MSRA: variants seen among roughly 807,000 people sequenced by gnomAD.
MSRA encodes the protein methionine sulfoxide reductase A, also known as mitochondrial peptide methionine sulfoxide reductase.
MSRA carries 54 observed loss-of-function variants against 31.3 expected under a neutral mutation model. That is an observed-to-expected ratio of 1.73 (90% CI 1.39 to 2.17). The LOEUF (loss-of-function observed/expected upper bound fraction) is 2.17, where lower values mean the gene tolerates loss of function less well. Ranked by LOEUF, MSRA falls within the 30% of genes most tolerant of loss-of-function variation. The pLI is 0.00. For missense variants in MSRA, 507 were observed against 300.9 expected, an observed-to-expected ratio of 1.69 and a Z score of -5.07; for synonymous variants, 169 against 116.5, an observed-to-expected ratio of 1.45 and a Z score of -2.90.
At chr8:10,294,756 C>G (rs1295449709) in intron 3 of MSRA, among the ~76,000 whole-genome samples, 1 of 152,118 alleles carries the variant, frequency 6.6e-6, no homozygotes, top group Non-Finnish European at 1.5e-5. Context: ...TGGAGGGGCA[C>G]CCACTCAGCT....
intron 5 of MSRA, among the ~76,000 whole-genome samples, chr8:10,383,776 T>A (rs1806218600): frequency 6.6e-6 from 1 of 152,214 alleles, no homozygotes; most frequent in South Asian, 2.1e-4. Context: ...TTTGAGCACA[T>A]GGCCTTTGTG....
intron 1 of MSRA, among the ~76,000 whole-genome samples, chr8:10,169,941 G>A (rs1461721420): frequency 1.5e-5 from 2 of 137,014 alleles, no homozygotes; most frequent in Non-Finnish European, 3.0e-5. Flanking sequence ...TTGAGACGGA[G>A]TTTCACTCTT....
intron 3 of MSRA, among the ~76,000 whole-genome samples, chr8:10,285,612 T>C (rs2129111079): frequency 6.6e-6 from 1 of 152,124 alleles, no homozygotes; most frequent in Non-Finnish European, 1.5e-5. Flanking sequence ...TCAATGTATT[T>C]TGTACCTGTT....
At chr8:10,073,926 G>T (rs1442585409) in intron 1 of MSRA, among the ~76,000 whole-genome samples, 2 of 151,762 alleles carry the variant, frequency 1.3e-5, no homozygotes, top group Non-Finnish European at 2.9e-5. Context: ...TTGTATTGCT[G>T]TGTTTCCTTA....
chr8:10,125,895 A>G (rs1368529538), intron 1 of MSRA, among the ~76,000 whole-genome samples: 1 of 152,060 alleles, frequency 6.6e-6, no homozygotes, highest in Non-Finnish European at 1.5e-5. Context: ...CCTTTTGGCC[A>G]TTTTACACTA....
intron 1 of MSRA, among the ~76,000 whole-genome samples, chr8:10,141,872 G>A (rs185834159): frequency 6.6e-6 from 1 of 152,186 alleles, no homozygotes; most frequent in East Asian, 1.9e-4. Context: ...TGCCTAGCTG[G>A]TAGTAGGCAC....
intron 1 of MSRA, among the ~76,000 whole-genome samples, chr8:10,197,571 C>G (rs924833414): frequency 2.0e-5 from 3 of 152,118 alleles, no homozygotes; most frequent in African/African-American, 7.2e-5. Context: ...AAGCACTGTG[C>G]AAATACCAGT....
At chr8:10,289,141 G>A (rs573350622) in intron 3 of MSRA, among the ~76,000 whole-genome samples, 1 of 151,936 alleles carries the variant, frequency 6.6e-6, no homozygotes, top group Non-Finnish European at 1.5e-5. Context: ...TCAGTCTCTG[G>A]AGTAGCTGGG....
intron 3 of MSRA, among the ~76,000 whole-genome samples, chr8:10,283,482 T>C (rs1799743945): frequency 6.6e-6 from 1 of 151,970 alleles, no homozygotes; most frequent in Non-Finnish European, 1.5e-5. Flanking sequence ...CAGGTGGTAT[T>C]TGGTTACATG....
chr8:10,271,142 TAAAC>T (rs1169151472), intron 3 of MSRA, among the ~76,000 whole-genome samples: 20 of 151,710 alleles, frequency 1.3e-4, no homozygotes, highest in African/African-American at 4.6e-4. Context: ...CAGTAAGAAG[TAAAC>T]AAACAGCTTT....
At chr8:10,261,596 G>T (rs542315108) in intron 3 of MSRA, among the ~76,000 whole-genome samples, 12 of 152,196 alleles carry the variant, frequency 7.9e-5, no homozygotes, top group African/African-American at 2.7e-4. Flanking sequence ...GAAAAAGTAA[G>T]CAGGAAGTAC....
At chr8:10,409,376 A>ATC in intron 5 of MSRA, among the ~76,000 whole-genome samples, 1 of 152,228 alleles carries the variant, frequency 6.6e-6, no homozygotes, top group Non-Finnish European at 1.5e-5. Context: ...AATGAAGTTC[A>ATC]TCTCTCCCCT....
At chr8:10,327,946 C>CA (rs965943862) in intron 5 of MSRA, among the ~76,000 whole-genome samples, 1 of 148,962 alleles carries the variant, frequency 6.7e-6, no homozygotes, top group African/African-American at 2.5e-5. Flanking sequence ...ACAACAACAA[C>CA]AAAAAAACCT....
At chr8:10,240,241 G>A (rs978285242) in intron 2 of MSRA, among the ~76,000 whole-genome samples, 7 of 152,196 alleles carry the variant, frequency 4.6e-5, no homozygotes, top group Non-Finnish European at 1.0e-4. Flanking sequence ...CTCAAGGAGT[G>A]GTGCTGTGTG....
intron 5 of MSRA, among the ~76,000 whole-genome samples, chr8:10,376,460 T>C (rs1805761933): frequency 1.3e-5 from 2 of 152,188 alleles, no homozygotes; most frequent in Non-Finnish European, 2.9e-5. Flanking sequence ...TGGGCTTGGA[T>C]CTTGGGCATG....
chr8:10,338,020 G>C (rs1343384950), intron 5 of MSRA, among the ~76,000 whole-genome samples: 1 of 152,100 alleles, frequency 6.6e-6, no homozygotes, highest in Admixed American at 6.6e-5. Context: ...TGAACCTAAG[G>C]GGTGATCAAA....
chr8:10,393,446 A>G (rs1806889814), intron 5 of MSRA, among the ~76,000 whole-genome samples: 1 of 152,220 alleles, frequency 6.6e-6, no homozygotes. Flanking sequence ...TAAGGATGCC[A>G]TCTTGAAGGA....
chr8:10,089,580 G>A (rs936326092), intron 1 of MSRA, among the ~76,000 whole-genome samples: 8 of 152,184 alleles, frequency 5.3e-5, no homozygotes, highest in Admixed American at 5.2e-4. Flanking sequence ...GTTTGTCTTA[G>A]GTCATTTTGT....
rs375632939 is a variant in MSRA at position 10,428,489 on chromosome 8, G to T, written c.*177G>T. 1 of 648,750 alleles carries T rather than the reference G, an allele frequency of 1.5e-6. No individual in the cohort carries two copies. The highest frequency in any genetic ancestry group is 2.9e-5 in the East Asian group (1 of 34,274). The allele number at this position is 648,750 out of a possible 1,614,324, so 40.2% of individuals were successfully genotyped here. A position where few individuals can be genotyped will look rare whatever the true frequency, so the allele number is the denominator to read the frequency against. The stretch of plus-strand genomic sequence containing the variant: ...AGGCGCGATGGCAAGTTGATAAAAT[G>T]TGACTTATCTCCTAATAAGTTATGG... On this transcript the variant is annotated 3_prime_UTR_variant, in exon 6 of 6. Coordinates refer to ENST00000317173, the MANE Select transcript of MSRA (RefSeq NM_012331.5).
Sources: gnomAD v4.1 joint callset for allele counts (sites outside exome capture counted in the v4.1 genomes callset) on GRCh38, gnomAD v4.1.1 for gene constraint, MANE v1.5 for transcripts, NCBI Gene and HGNC (gene_info 2026-07-23, HGNC 2026-07-21) for gene names.